Variants in THRA observed in about 807,000 individuals in gnomAD.
THRA encodes EAR-7.
THRA carries 13 observed loss-of-function variants against 45.0 expected under a neutral mutation model. The ratio of observed to expected loss-of-function variants is 0.29; its 90% CI spans 0.19 to 0.46. The LOEUF (loss-of-function observed/expected upper bound fraction) is 0.46, where lower values mean the gene tolerates loss of function less well. THRA is among the 20% of genes least tolerant of loss of function. THRA has a pLI of 1.00. For synonymous variants in THRA, 195 were observed against 214.0 expected (o/e 0.91, Z 0.78); for missense variants, 278 against 556.1 (o/e 0.50, Z 5.03).
At chr17:40,093,360 C>T, downstream of THRA, 1 of 1,611,858 alleles carries the variant, frequency 6.2e-7, no homozygotes, top group South Asian at 1.1e-5. The surrounding 1 kb of genome is among the most constrained non-coding windows in gnomAD (Gnocchi z 5.9). Context: ...GAGGACCTGG[C>T]AGGCAATGCA....
rs1303827158 is a variant in THRA, at chr17:40,063,291, G to A, written c.-298+199G>A. On this transcript the variant is annotated intron_variant, in intron 1 of 8. Coordinates refer to ENST00000450525, the MANE Select transcript of THRA (RefSeq NM_199334.5). ...TGCAACTGACGCCCTGGGGAAGGGA[G>A]GTGTTGCTAGGAGGTCGCTGGGCCC... Among the ~76,000 whole-genome samples, 2 of 152,128 alleles carry A rather than the reference G, an allele frequency of 1.3e-5. 1 individual carries two copies. Among genetic ancestry groups the A allele is most frequent in the East Asian group, 3.9e-4 (2 of 5,188 alleles).
At chr17:40,073,921 T>A (rs1335641661) in intron 1 of THRA, among the ~76,000 whole-genome samples, 1 of 152,154 alleles carries the variant, frequency 6.6e-6, no homozygotes, top group Non-Finnish European at 1.5e-5. Context: ...TGTCTGAATA[T>A]GAAGACTGAG....
At chr17:40,085,245 C>T (rs944087748) in intron 6 of THRA, among the ~76,000 whole-genome samples, 1 of 152,128 alleles carries the variant, frequency 6.6e-6, no homozygotes, top group African/African-American at 2.4e-5. Flanking sequence ...GCCTGTAATC[C>T]CAGCAATTTG....
At chr17:40,082,747 A>G (rs1308183683) in intron 4 of THRA, among the ~76,000 whole-genome samples, 1 of 141,342 alleles carries the variant, frequency 7.1e-6, no homozygotes, top group Non-Finnish European at 1.5e-5. Flanking sequence ...GCTACACTAT[A>G]GAATCGCATG....
chr17:40,070,233 G>A (rs1473894477), intron 1 of THRA, among the ~76,000 whole-genome samples: 1 of 152,034 alleles, frequency 6.6e-6, no homozygotes, highest in Non-Finnish European at 1.5e-5. Context: ...TGCCTGCCAG[G>A]CTGGGGCCCT....
chr17:40,089,708 T>G lies in THRA; in HGVS notation c.*252T>G. ...AGGCTGGGGGAGCTGTGTCCTGCAG[T>G]TCCCAGGACCCCATCCTCTCAGAAG... On this transcript the variant is annotated 3_prime_UTR_variant, in exon 9 of 9. Transcript: ENST00000450525. The surrounding 1 kb of genome is among the most constrained non-coding windows in gnomAD (Gnocchi z 6.1). The G allele has an allele frequency of 8.2e-6, 11 of 1,335,856 alleles. No individual in the cohort carries two copies. Among genetic ancestry groups the G allele is most frequent in the East Asian group, 3.1e-5 (1 of 32,004 alleles). 82.8% of individuals were successfully genotyped at this position (1,335,856 alleles called of 1,614,324 possible).
chr17:40,083,921 C>T lies in THRA; in HGVS notation c.309C>T (p.Thr103=). 6.2e-7 allele frequency: 1 copy of T among 1,613,988 alleles called. No homozygotes were observed. The highest frequency in any genetic ancestry group is 8.5e-7 in the Non-Finnish European group (1 of 1,179,902). The change falls in exon 5 of 9, where the codon ACC becomes ACT. Residue 103 remains threonine (T), a synonymous_variant. Coordinates refer to ENST00000450525, the MANE Select transcript of THRA (RefSeq NM_199334.5). ...YDSCCVIDKI[T]RNQCQLCRFK... Reference sequence around the variant, plus strand: ...GCTGCTGTGTCATTGACAAGATCACCCGCAATCAGTGCCAGCTGTGCCGCT... The same window carrying T: ...GCTGCTGTGTCATTGACAAGATCACTCGCAATCAGTGCCAGCTGTGCCGCT...
At chr17:40,085,048 C>T (rs1488631619) in intron 6 of THRA, among the ~76,000 whole-genome samples, 1 of 152,210 alleles carries the variant, frequency 6.6e-6, no homozygotes. Context: ...CCTTCCTCAT[C>T]GAATTTCCAG....
intron 1 of THRA, among the ~76,000 whole-genome samples, chr17:40,072,897 C>G (rs1002303770): frequency 1.6e-4 from 24 of 152,312 alleles, no homozygotes; most frequent in African/African-American, 5.3e-4. Flanking sequence ...TCATGCCCCC[C>G]CACCCCAGTC....
intron 1 of THRA, among the ~76,000 whole-genome samples, chr17:40,073,944 G>A (rs544894239): frequency 3.0e-4 from 46 of 152,206 alleles, no homozygotes; most frequent in Non-Finnish European, 5.7e-4. Flanking sequence ...ATATTACTTA[G>A]TACATGAATG....
chr17:40,087,568 C>T lies in THRA; in HGVS notation c.724-674C>T, dbSNP rs1347848236. 2.0e-5 allele frequency among the ~76,000 whole-genome samples: 3 copies of T among 152,306 alleles called. No homozygotes were observed. In the East Asian group the frequency reaches 5.8e-4, roughly 29 times the overall value. On this transcript the variant is annotated intron_variant, in intron 7 of 8. Coordinates refer to ENST00000450525, the MANE Select transcript of THRA (RefSeq NM_199334.5). ...CTCCAAGTGCTCCCCTCCACAGCCCCTCATCCTTCAAGTCTATGCGGCCAC... is the reference window on the plus strand; with the variant it reads ...CTCCAAGTGCTCCCCTCCACAGCCCTTCATCCTTCAAGTCTATGCGGCCAC...
intron 1 of THRA, among the ~76,000 whole-genome samples, chr17:40,073,024 GC>G (rs1986832272): frequency 6.6e-6 from 1 of 152,224 alleles, no homozygotes; most frequent in African/African-American, 2.4e-5. Flanking sequence ...GGGTGCAGAG[GC>G]CCCGTTCTGC....
intron 4 of THRA, 54 bp downstream of exon 4, chr17:40,077,662 C>T: frequency 7.0e-7 from 1 of 1,424,698 alleles, no homozygotes; most frequent in Non-Finnish European, 9.8e-7. Context: ...CATATTACTC[C>T]CTATGTCACC....
intron 2 of THRA, among the ~76,000 whole-genome samples, chr17:40,075,646 A>G (rs1986925726): frequency 6.6e-6 from 1 of 152,144 alleles, no homozygotes; most frequent in African/African-American, 2.4e-5. Flanking sequence ...GTCTCCTAAG[A>G]CTGCAACCCC....
chr17:40,073,317 C>A (rs755083176), intron 1 of THRA, among the ~76,000 whole-genome samples: 9 of 152,292 alleles, frequency 5.9e-5, no homozygotes, highest in Non-Finnish European at 1.3e-4. Flanking sequence ...CTGCCCTGGA[C>A]TCCAGGTAGC....
Position 40,089,981 on chromosome 17 carries a change from C to T in THRA, c.*525C>T. The T allele has an allele frequency of 9.1e-6, 9 of 989,004 alleles. No homozygotes were observed. The highest frequency in any genetic ancestry group is 4.7e-5 in the South Asian group (1 of 21,490). The allele number at this position is 989,004 out of a possible 1,614,324, so 61.3% of individuals were successfully genotyped here. A position where few individuals can be genotyped will look rare whatever the true frequency, so the allele number is the denominator to read the frequency against. On this transcript the variant is annotated 3_prime_UTR_variant, in exon 9 of 9. Coordinates refer to ENST00000450525, the MANE Select transcript of THRA (RefSeq NM_199334.5). The surrounding 1 kb of genome is among the most constrained non-coding windows in gnomAD (Gnocchi z 6.1). ...AGGTTAAAATTTATAGTCATTCTAA[C>T]TGCACTTTGGAAACCAAGCAAGGGG...
Position 40,092,771 on chromosome 17 carries a change from A to C in THRA, c.*3315A>C. 6.3e-6 allele frequency: 2 copies of C among 316,504 alleles called. No individual in the cohort carries two copies. Among genetic ancestry groups the C allele is most frequent in the Non-Finnish European group, 5.5e-6 (1 of 180,380 alleles). 19.6% of individuals were successfully genotyped at this position (316,504 alleles called of 1,614,324 possible). A position where few individuals can be genotyped will look rare whatever the true frequency, so the allele number is the denominator to read the frequency against. ...GTATTTCCACCCCACCCCCCAAACG[A>C]GCACACACCACAGAAGCCAGCTCAG... On this transcript the variant is annotated 3_prime_UTR_variant, in exon 9 of 9. Transcript: ENST00000450525.
chr17:40,062,515 G>A (rs1443141404), upstream of THRA: 2 of 152,126 alleles, frequency 1.3e-5, no homozygotes, highest in African/African-American at 4.8e-5. Flanking sequence ...ACCTGCAAGC[G>A]TTTGGTGTTT....
intron 1 of THRA, among the ~76,000 whole-genome samples, chr17:40,070,591 C>T (rs1986739959): frequency 6.6e-6 from 1 of 152,204 alleles, no homozygotes; most frequent in Non-Finnish European, 1.5e-5. Context: ...ATTTATGTGT[C>T]TGGGCCACGG....
Sources: gnomAD v4.1 joint callset for allele counts (sites outside exome capture counted in the v4.1 genomes callset) on GRCh38, gnomAD v4.1.1 for gene constraint, Gnocchi (gnomAD v3.1) non-coding constraint, MANE v1.5 for transcripts, NCBI Gene and HGNC (gene_info 2026-07-23, HGNC 2026-07-21) for gene names.